The following SAV1 variants were observed in gnomAD, a reference collection of about 807,000 sequenced individuals.
The protein encoded by SAV1 is salvador family WW domain containing protein 1.
In SAV1, 23 loss-of-function variants were observed where a neutral mutation model predicts 47.3. The observed-to-expected ratio is 0.49, with a 90% confidence interval of 0.35 to 0.69. The LOEUF (loss-of-function observed/expected upper bound fraction) is 0.69, where lower values mean the gene tolerates loss of function less well. SAV1 is among the 30% of genes least tolerant of loss of function. SAV1 has a pLI of 0.01. For synonymous variants in SAV1, 155 were observed against 159.2 expected, an observed-to-expected ratio of 0.97 and a Z score of 0.20; for missense variants, 448 against 457.4, an observed-to-expected ratio of 0.98 and a Z score of 0.19.
chr14:50,643,660 G>A (rs2039698691), intron 3 of SAV1, among the ~76,000 whole-genome samples: 1 of 152,178 alleles, frequency 6.6e-6, no homozygotes, highest in South Asian at 2.1e-4. Flanking sequence ...ATTGCCACCT[G>A]ATGACCACAC....
intron 2 of SAV1, among the ~76,000 whole-genome samples, chr14:50,653,329 G>T (rs2039785242): frequency 6.6e-6 from 1 of 152,140 alleles, no homozygotes. Flanking sequence ...TTCTGAAATA[G>T]CAAACAAAGG....
chr14:50,642,361 T>C (rs1039739914), intron 3 of SAV1, among the ~76,000 whole-genome samples: 8 of 151,958 alleles, frequency 5.3e-5, no homozygotes, highest in African/African-American at 1.7e-4. Context: ...TCATGATGCA[T>C]GCCTGTAATC....
At chr14:50,643,124 G>T (rs1397907040) in intron 3 of SAV1, among the ~76,000 whole-genome samples, 1 of 152,222 alleles carries the variant, frequency 6.6e-6, no homozygotes, top group African/African-American at 2.4e-5. Flanking sequence ...GTGAGCTTAA[G>T]GGCAGCGTTT....
At chr14:50,651,316 A>G (rs1449866427) in intron 2 of SAV1, among the ~76,000 whole-genome samples, 1 of 152,224 alleles carries the variant, frequency 6.6e-6, no homozygotes, top group Admixed American at 6.5e-5. Flanking sequence ...ATTTGTATCT[A>G]TTTTCATAAA....
At chr14:50,663,329 T>C (rs1366656229) in intron 2 of SAV1, among the ~76,000 whole-genome samples, 1 of 152,258 alleles carries the variant, frequency 6.6e-6, no homozygotes, top group Non-Finnish European at 1.5e-5. Context: ...GCAGTTATTA[T>C]TCTAGAAGAA....
chr14:50,636,011 T>A (rs529850870), intron 4 of SAV1, among the ~76,000 whole-genome samples: 1 of 152,280 alleles, frequency 6.6e-6, no homozygotes, highest in African/African-American at 2.4e-5. Flanking sequence ...CCGGCCTACA[T>A]ATAATTCTTC....
At chr14:50,664,552 T>G (rs182034054) in intron 2 of SAV1, 1 of 152,236 alleles carries the variant, frequency 6.6e-6, no homozygotes, top group Non-Finnish European at 1.5e-5. Flanking sequence ...TCAGGAGATA[T>G]GGAAAGTACC....
chr14:50,666,792 A>C (rs545561140), intron 1 of SAV1, among the ~76,000 whole-genome samples: 67 of 152,068 alleles, frequency 4.4e-4, no homozygotes, highest in Non-Finnish European at 2.5e-4. Context: ...AAAAAAAAAA[A>C]AAAACAACTT....
chr14:50,637,664 G>GTTTTTTTTTTTTTTTTT (rs373647297), intron 4 of SAV1: 2 of 58,264 alleles, frequency 3.4e-5, no homozygotes, highest in African/African-American at 8.7e-5. Flanking sequence ...AATTTTGTCA[G>GTTTTTTTTTTTTTTTTT]TTTTTTTTTT....
At chr14:50,647,783 C>A (rs561068736) in intron 2 of SAV1, among the ~76,000 whole-genome samples, 1 of 152,244 alleles carries the variant, frequency 6.6e-6, no homozygotes, top group South Asian at 2.1e-4. Flanking sequence ...CAAACAAAAC[C>A]TGACAATGCA....
chr14:50,665,312 A>G lies in SAV1; in HGVS notation c.402T>C (p.Tyr134=), dbSNP rs116384900. Residue 134 remains tyrosine, a synonymous_variant, in exon 2 of 5, where the codon TAT becomes TAC. Transcript: ENST00000324679. ...GACCATCAAAAAAATTGTCTGAATAATAATATCGGGAACCAGAGTCTCCAT... is the reference window on the plus strand; with the variant it reads ...GACCATCAAAAAAATTGTCTGAATAGTAATATCGGGAACCAGAGTCTCCAT... ...VENGDSGSRY[Y]YSDNFFDGQR... is the part of the protein sequence containing the mutation. The G allele has an allele frequency of 1.2e-3, 1,874 of 1,613,854 alleles. 22 individuals carry two copies. In the African/African-American group the frequency reaches 0.022, roughly 19 times the overall value.
chr14:50,658,013 C>T (rs1041196369), intron 2 of SAV1, among the ~76,000 whole-genome samples: 5 of 152,136 alleles, frequency 3.3e-5, no homozygotes, highest in African/African-American at 1.2e-4. Context: ...CACAGGGTCC[C>T]TAGTAATGGA....
At chr14:50,655,429 C>CT (rs5808563) in intron 2 of SAV1, among the ~76,000 whole-genome samples, 60 of 132,700 alleles carry the variant, frequency 4.5e-4, no homozygotes, top group South Asian at 9.4e-4. Flanking sequence ...CAAAAGCTGC[C>CT]TTTTTTTTTT....
chr14:50,644,713 CAA>C, intron 3 of SAV1, 29 bp downstream of exon 3: 1 of 1,582,354 alleles, frequency 6.3e-7, no homozygotes, highest in Non-Finnish European at 8.6e-7. Context: ...AATCCCGAAA[CAA>C]AAAGTTGAAA....
At chr14:50,662,688 T>C (rs2039870206) in intron 2 of SAV1, 1 of 152,226 alleles carries the variant, frequency 6.6e-6, no homozygotes, top group South Asian at 2.1e-4. Context: ...AGAGTTTAAC[T>C]TGTTATTAAT....
chr14:50,652,755 G>C (rs2039779425), intron 2 of SAV1, among the ~76,000 whole-genome samples: 1 of 152,226 alleles, frequency 6.6e-6, no homozygotes, highest in Non-Finnish European at 1.5e-5. Context: ...AAAAGGCTGG[G>C]CACAGTGGCT....
At chr14:50,662,524 T>C (rs1172753053) in intron 2 of SAV1, 1 of 152,244 alleles carries the variant, frequency 6.6e-6, no homozygotes, top group East Asian at 1.9e-4. Flanking sequence ...AATTAACTTG[T>C]ACTTTATTTT....
At chr14:50,652,960 G>A (rs528239568) in intron 2 of SAV1, among the ~76,000 whole-genome samples, 1 of 152,252 alleles carries the variant, frequency 6.6e-6, no homozygotes, top group South Asian at 2.1e-4. Flanking sequence ...GAACCCGGGA[G>A]GTGGAGGTTG....
intron 2 of SAV1, among the ~76,000 whole-genome samples, chr14:50,651,066 C>A (rs370222818): frequency 0.5 from 2,151 of 4,270 alleles, 48 homozygotes; most frequent in African/African-American, 0.51. Flanking sequence ...TCAGCCAGAG[C>A]GAAGCTTCGG....
Sources: allele counts gnomAD v4.1 joint callset (sites outside exome capture counted in the v4.1 genomes callset), GRCh38; gene constraint gnomAD v4.1.1; transcripts MANE v1.5; gene names NCBI Gene and HGNC (gene_info 2026-07-23, HGNC 2026-07-21).